The following RARB variants were observed in gnomAD, a reference collection of about 807,000 sequenced individuals.
RARB encodes retinoic acid receptor beta.
Under a neutral mutation model 51.9 loss-of-function variants are expected in RARB, and 17 were observed. That is an observed-to-expected ratio of 0.33 (90% CI 0.22 to 0.49). RARB has a LOEUF of 0.49. RARB is among the 20% of genes least tolerant of loss of function. The pLI, the probability that RARB is intolerant of heterozygous loss-of-function variation, is 0.99. For synonymous variants in RARB, 215 were observed against 195.4 expected (o/e 1.10, Z -0.84); for missense variants, 369 against 550.8 (o/e 0.67, Z 3.30).
intron 5 of RARB, among the ~76,000 whole-genome samples, chr3:25,265,663 G>A (rs1323083877): frequency 2.0e-5 from 3 of 152,024 alleles, no homozygotes; most frequent in Non-Finnish European, 4.4e-5. Flanking sequence ...GTAGACACAG[G>A]GTTTCTCCTT....
chr3:25,043,812 A>G (rs1012088806), intron 2 of RARB, among the ~76,000 whole-genome samples: 27 of 151,336 alleles, frequency 1.8e-4, no homozygotes, highest in African/African-American at 6.3e-4. Context: ...GGACCATGGT[A>G]GGAGGTTAGA....
At chr3:25,344,893 G>A (rs902412864) in intron 5 of RARB, among the ~76,000 whole-genome samples, 2 of 152,066 alleles carry the variant, frequency 1.3e-5, no homozygotes. Context: ...AAGTTTTTAG[G>A]GCTTAAGCTT....
At chr3:25,083,421 C>G (rs1421298031) in intron 3 of RARB, among the ~76,000 whole-genome samples, 1 of 139,362 alleles carries the variant, frequency 7.2e-6, no homozygotes, top group Non-Finnish European at 1.5e-5. Flanking sequence ...CATTTGAAGT[C>G]TGCTAATGTT....
chr3:25,524,410 C>G (rs897064310), intron 3 of RARB, among the ~76,000 whole-genome samples: 1 of 152,138 alleles, frequency 6.6e-6, no homozygotes, highest in Non-Finnish European at 1.5e-5. Context: ...TTAATCAGAA[C>G]CTTTCTCCAA....
chr3:24,877,184 A>G (rs886276771), intron 2 of RARB, among the ~76,000 whole-genome samples: 1 of 152,004 alleles, frequency 6.6e-6, no homozygotes, highest in Admixed American at 6.6e-5. Flanking sequence ...CTTAGCTGGG[A>G]ACATTTCTTA....
chr3:25,199,749 T>C (rs1701342922), intron 5 of RARB, among the ~76,000 whole-genome samples: 1 of 152,188 alleles, frequency 6.6e-6, no homozygotes, highest in African/African-American at 2.4e-5. Flanking sequence ...TCCAGCTTCA[T>C]CCGTGTCCCT....
intron 5 of RARB, among the ~76,000 whole-genome samples, chr3:25,316,949 A>G (rs1258714341): frequency 6.6e-6 from 1 of 152,188 alleles, no homozygotes; most frequent in Admixed American, 6.6e-5. Context: ...TAAATTATTC[A>G]CCCCAGGTCA....
intron 2 of RARB, among the ~76,000 whole-genome samples, chr3:25,041,111 G>T (rs1266521144): frequency 6.6e-6 from 1 of 152,290 alleles, no homozygotes; most frequent in Non-Finnish European, 1.5e-5. Context: ...TGGGCAGAGG[G>T]ATTATCACAT....
intron 2 of RARB, 123 bp downstream of exon 2, chr3:25,461,464 C>T (rs1442993746): frequency 1.8e-6 from 2 of 1,107,718 alleles, no homozygotes; most frequent in African/African-American, 3.2e-5. Context: ...GTGGTGAATT[C>T]AGTTATATTC....
intron 2 of RARB, among the ~76,000 whole-genome samples, chr3:24,993,195 A>T (rs1696950983): frequency 1.3e-5 from 2 of 152,170 alleles, no homozygotes; most frequent in South Asian, 4.1e-4. Context: ...AAAATCAGAG[A>T]TGCTAAAAAT....
chr3:25,319,923 C>T (rs1205043152), intron 5 of RARB, among the ~76,000 whole-genome samples: 1 of 152,072 alleles, frequency 6.6e-6, no homozygotes, highest in African/African-American at 2.4e-5. Context: ...AGCACTATCT[C>T]AATGTCACAG....
intron 3 of RARB, among the ~76,000 whole-genome samples, chr3:25,124,204 C>T (rs778794097): frequency 3.3e-5 from 5 of 152,144 alleles, no homozygotes; most frequent in African/African-American, 7.2e-5. Flanking sequence ...GAAACTTTGT[C>T]TCTACTACAA....
chr3:25,150,585 C>T (rs1700270292), intron 4 of RARB, among the ~76,000 whole-genome samples: 1 of 152,180 alleles, frequency 6.6e-6, no homozygotes, highest in African/African-American at 2.4e-5. Flanking sequence ...CTCCTCCACC[C>T]TTTTAAGAAA....
chr3:24,935,686 G>T (rs545016413), intron 2 of RARB, among the ~76,000 whole-genome samples: 1 of 152,128 alleles, frequency 6.6e-6, no homozygotes, highest in African/African-American at 2.4e-5. Flanking sequence ...ATGGGAAATC[G>T]GTGGAGTGTT....
intron 2 of RARB, among the ~76,000 whole-genome samples, chr3:24,995,729 G>A (rs182843291): frequency 1.6e-3 from 244 of 152,086 alleles, no homozygotes; most frequent in African/African-American, 5.7e-3. Flanking sequence ...ATGATCGTAT[G>A]GTTTTTGTAC....
chr3:25,298,039 T>C (rs1185346703), intron 5 of RARB, among the ~76,000 whole-genome samples: 1 of 152,134 alleles, frequency 6.6e-6, no homozygotes, highest in Non-Finnish European at 1.5e-5. Flanking sequence ...TTTTGTAATA[T>C]AGGACAAAAG....
intron 5 of RARB, among the ~76,000 whole-genome samples, chr3:25,413,130 C>A (rs893077110): frequency 1.1e-4 from 17 of 152,144 alleles, no homozygotes; most frequent in African/African-American, 4.1e-4. Flanking sequence ...ATCCTCACTT[C>A]TAACAACATA....
intron 5 of RARB, among the ~76,000 whole-genome samples, chr3:25,417,143 A>G (rs1312976374): frequency 6.6e-6 from 1 of 152,068 alleles, no homozygotes; most frequent in Admixed American, 6.6e-5. Flanking sequence ...AATTAGGGGT[A>G]AAAGTTTCTA....
intron 2 of RARB, among the ~76,000 whole-genome samples, chr3:24,989,106 G>A (rs1347727893): frequency 2.6e-5 from 4 of 152,324 alleles, no homozygotes; most frequent in Middle Eastern, 3.4e-3. Context: ...GATTACAGGC[G>A]TGAGCCACCG....
Sources: gnomAD v4.1 joint callset for allele counts (sites outside exome capture counted in the v4.1 genomes callset) on GRCh38, gnomAD v4.1.1 for gene constraint, MANE v1.5 for transcripts, NCBI Gene and HGNC (gene_info 2026-07-23, HGNC 2026-07-21) for gene names.